PLEKHA5: variants seen among roughly 807,000 people sequenced by gnomAD.
PLEKHA5 encodes pleckstrin homology domain-containing family A member 5.
A neutral mutation model predicts 181.9 loss-of-function variants in PLEKHA5; 55 were observed. The ratio of observed to expected loss-of-function variants is 0.30; its 90% CI spans 0.24 to 0.38. PLEKHA5 has a LOEUF of 0.38. Ranked by LOEUF, PLEKHA5 falls within the 10% of genes least tolerant of loss-of-function variation. The probability of loss-of-function intolerance (pLI) is 1.00; values close to 1 mark genes in which losing one functional copy is unlikely to be tolerated. For missense variants in PLEKHA5, 1,432 were observed against 1,549.5 expected (o/e 0.92, Z 1.27); for synonymous variants, 535 against 529.4 (o/e 1.01, Z -0.15).
intron 15 of PLEKHA5, among the ~76,000 whole-genome samples, chr12:19,309,663 T>C (rs2085661746): frequency 6.6e-6 from 1 of 151,952 alleles, no homozygotes; most frequent in African/African-American, 2.4e-5. Flanking sequence ...GGAGAACACT[T>C]GAACCCGGGA....
intron 17 of PLEKHA5, among the ~76,000 whole-genome samples, chr12:19,320,355 C>T (rs115568291): frequency 0.011 from 1,626 of 151,994 alleles, 30 homozygotes; most frequent in African/African-American, 0.038. Flanking sequence ...ATACATCGTT[C>T]GTATGTATCT....
intron 3 of PLEKHA5, among the ~76,000 whole-genome samples, chr12:19,179,186 C>T (rs1433554268): frequency 6.6e-6 from 1 of 152,124 alleles, no homozygotes; most frequent in Non-Finnish European, 1.5e-5. Context: ...TTGTTTAATG[C>T]TCTTTTTATT....
chr12:19,307,971 C>T (rs1231417038), intron 15 of PLEKHA5, among the ~76,000 whole-genome samples: 1 of 150,432 alleles, frequency 6.6e-6, no homozygotes, highest in Non-Finnish European at 1.5e-5. Flanking sequence ...TGAAAGAGAA[C>T]GATCAACAAG....
rs150555413 is a variant in PLEKHA5 at position 19,140,017 on chromosome 12, C to T, written c.227+7567C>T. Among the ~76,000 whole-genome samples, 699 of 152,276 alleles carry T rather than the reference C, an allele frequency of 4.6e-3. 4 individuals carry two copies. The highest frequency in any genetic ancestry group is 0.016 in the African/African-American group (674 of 41,550). On this transcript the variant is annotated intron_variant, in intron 3 of 31. Transcript: ENST00000429027. ...AACTGATTTTAATGATTATCTCAGT[C>T]CCAGTGGCAAGGTCTTCCAATTAGT... is the stretch of plus-strand genomic sequence containing the variant.
rs201578397 is a variant in PLEKHA5 at position 19,342,664 on chromosome 12, CTACTGAGGA to C, written c.2551-658_2551-650del. On this transcript the variant is annotated intron_variant, in intron 21 of 31. Coordinates refer to ENST00000429027, the MANE Select transcript of PLEKHA5 (RefSeq NM_001256470.2). ...GGCATAGCACGTGCCGTAATCCCCACTACTGAGGAAGCTGAGGCAGCAGAATCACTTGCG... is the reference window on the plus strand; with the variant it reads ...GGCATAGCACGTGCCGTAATCCCCACAGCTGAGGCAGCAGAATCACTTGCG... Among the ~76,000 whole-genome samples, 20 of 152,156 alleles carry C rather than the reference CTACTGAGGA, an allele frequency of 1.3e-4. 1 individual carries two copies. In the East Asian group the frequency reaches 3.5e-3, roughly 26 times the overall value.
intron 10 of PLEKHA5, among the ~76,000 whole-genome samples, chr12:19,270,563 G>A (rs2072342882): frequency 6.6e-6 from 1 of 151,934 alleles, no homozygotes; most frequent in Non-Finnish European, 1.5e-5. Context: ...TGTTAAAATT[G>A]ACCCATGTAT....
chr12:19,298,408 CT>C (rs533661916), intron 15 of PLEKHA5, among the ~76,000 whole-genome samples: 1,345 of 106,250 alleles, frequency 0.013, 4 homozygotes, highest in East Asian at 0.02. Context: ...ATTTTTTTAG[CT>C]TTTTTTTTTT....
intron 3 of PLEKHA5, among the ~76,000 whole-genome samples, chr12:19,231,674 G>A (rs1023572310): frequency 2.2e-5 from 3 of 136,238 alleles, no homozygotes; most frequent in East Asian, 2.0e-4. Flanking sequence ...ATTCATCAAC[G>A]TGTTCTTGAA....
Position 19,343,344 on chromosome 12 carries a change from C to G in PLEKHA5, c.2572C>G (p.Arg858Gly). 6.2e-7 allele frequency: 1 copy of G among 1,612,466 alleles called. No individual in the cohort carries two copies. Among genetic ancestry groups the G allele is most frequent in the Non-Finnish European group, 8.5e-7 (1 of 1,178,674 alleles). The change falls in exon 22 of 32, where the codon CGT becomes GGT. Residue 858 changes from arginine to glycine, a missense_variant. Arg to Gly is a moderately radical substitution (Grantham distance 125). Transcript: ENST00000429027. Reference protein sequence around the residue: ...EVQTESAGIQRAQIQKELWRI... With the variant: ...EVQTESAGIQGAQIQKELWRI... ...ATAGACGGAATCAGCAGGAATTCAG[C>G]GTGCACAGATTCAGAAAGAACTTTG...
At chr12:19,307,238 TGAG>T (rs2084247046) in intron 15 of PLEKHA5, 1 of 520,700 alleles carries the variant, frequency 1.9e-6, no homozygotes, top group Non-Finnish European at 3.5e-6. Flanking sequence ...TTTGGGAGGC[TGAG>T]GAGGGTGGAT....
intron 16 of PLEKHA5, among the ~76,000 whole-genome samples, chr12:19,317,949 T>C (rs530589163): frequency 5.0e-5 from 7 of 139,420 alleles, no homozygotes; most frequent in Non-Finnish European, 9.2e-5. Context: ...TTTTTTTGGC[T>C]AAAGGTGTAT....
intron 12 of PLEKHA5, 28 bp downstream of exon 12, chr12:19,283,773 C>G: frequency 7.3e-7 from 1 of 1,372,576 alleles, no homozygotes; most frequent in Non-Finnish European, 1.0e-6. Flanking sequence ...TTTGTGTTAA[C>G]TCACTACCTT....
chr12:19,257,510 T>C lies in PLEKHA5; in HGVS notation c.510T>C (p.Val170=). 1 of 1,583,660 alleles carries C rather than the reference T, an allele frequency of 6.3e-7. No individual in the cohort carries two copies. The highest frequency in any genetic ancestry group is 8.6e-7 in the Non-Finnish European group (1 of 1,156,836). The change falls in exon 6 of 32, where the codon GTT becomes GTC. Residue 170 remains valine, a synonymous_variant. Coordinates refer to ENST00000429027, the MANE Select transcript of PLEKHA5 (RefSeq NM_001256470.2). ...TTAAAAGGAATCCTAATGCACCGGT[T>C]GTCAGACGAGGTTGGCTTTATAAAC... ...NSIKRNPNAP[V]VRRGWLYKQD... is the part of the protein sequence containing the mutation.
At chr12:19,185,064 A>G (rs1010446908) in intron 3 of PLEKHA5, among the ~76,000 whole-genome samples, 7 of 151,956 alleles carry the variant, frequency 4.6e-5, no homozygotes, top group Admixed American at 2.0e-4. Context: ...TTAAATCGAC[A>G]TTTTAGAAAT....
At chr12:19,327,259 T>G (rs536116258) in intron 20 of PLEKHA5, among the ~76,000 whole-genome samples, 5 of 151,358 alleles carry the variant, frequency 3.3e-5, no homozygotes, top group Admixed American at 6.6e-5. Context: ...TTTTTTTTTT[T>G]TTTTTACTTT....
chr12:19,198,571 T>C (rs944447384), intron 3 of PLEKHA5, among the ~76,000 whole-genome samples: 1 of 152,204 alleles, frequency 6.6e-6, no homozygotes, highest in Non-Finnish European at 1.5e-5. Context: ...CATGAGAGCA[T>C]AGACCTTTTT....
At chr12:19,211,210 C>A (rs2056830224) in intron 3 of PLEKHA5, among the ~76,000 whole-genome samples, 1 of 152,152 alleles carries the variant, frequency 6.6e-6, no homozygotes, top group African/African-American at 2.4e-5. Flanking sequence ...ACCCTGCCCC[C>A]ACCAAGTTGA....
chr12:19,151,674 T>A (rs2040420117), intron 3 of PLEKHA5: 1 of 152,104 alleles, frequency 6.6e-6, no homozygotes, highest in Non-Finnish European at 1.5e-5. Flanking sequence ...AGAAATGACA[T>A]TTTCCAAATG....
At chr12:19,331,984 C>T (rs529860409) in intron 20 of PLEKHA5, among the ~76,000 whole-genome samples, 1 of 152,172 alleles carries the variant, frequency 6.6e-6, no homozygotes, top group Non-Finnish European at 1.5e-5. Flanking sequence ...CACCACTGCA[C>T]TCCAGCCCAG....
Sources: gnomAD v4.1 joint callset for allele counts (sites outside exome capture counted in the v4.1 genomes callset) on GRCh38, gnomAD v4.1.1 for gene constraint, MANE v1.5 for transcripts, NCBI Gene and HGNC (gene_info 2026-07-23, HGNC 2026-07-21) for gene names.